The following TOX variants were observed in gnomAD, a reference collection of about 807,000 sequenced individuals.
TOX encodes thymocyte selection-associated high mobility group box protein TOX.
A neutral mutation model predicts 53.7 loss-of-function variants in TOX; 11 were observed. The ratio of observed to expected loss-of-function variants is 0.20; its 90% confidence interval spans 0.13 to 0.34. The LOEUF (loss-of-function observed/expected upper bound fraction) is 0.34. TOX is among the 10% of genes least tolerant of loss of function. The pLI is 1.00. For synonymous variants in TOX, 225 were observed against 245.3 expected (o/e 0.92, Z 0.77); for missense variants, 570 against 664.6 (o/e 0.86, Z 1.56).
At chr8:59,100,782 G>C (rs1804793009) in intron 1 of TOX, among the ~76,000 whole-genome samples, 1 of 151,868 alleles carries the variant, frequency 6.6e-6, no homozygotes, top group African/African-American at 2.4e-5. Flanking sequence ...CATAAAAATA[G>C]TATTGAGTAA....
At chr8:59,082,369 G>A (rs909256127) in intron 1 of TOX, among the ~76,000 whole-genome samples, 1 of 152,258 alleles carries the variant, frequency 6.6e-6, no homozygotes, top group African/African-American at 2.4e-5. Context: ...GAGGCCATGA[G>A]ATGGGTAGTT....
chr8:59,023,836 T>C (rs748572446), intron 1 of TOX, among the ~76,000 whole-genome samples: 1 of 152,170 alleles, frequency 6.6e-6, no homozygotes, highest in Non-Finnish European at 1.5e-5. Flanking sequence ...AGTCATCTGT[T>C]GGTCACAAAG....
chr8:59,002,626 A>C (rs7838084), intron 1 of TOX, among the ~76,000 whole-genome samples: 10,022 of 152,050 alleles, frequency 0.066, 425 homozygotes, highest in East Asian at 0.24. Context: ...AACAAACAAA[A>C]AAAATCAGGC....
At chr8:59,038,208 C>T (rs994443648) in intron 1 of TOX, among the ~76,000 whole-genome samples, 1 of 152,172 alleles carries the variant, frequency 6.6e-6, no homozygotes, top group Admixed American at 6.5e-5. Context: ...TCTGTCATAA[C>T]AGTTAACATA....
intron 3 of TOX, among the ~76,000 whole-genome samples, chr8:58,913,842 T>C (rs1001140387): frequency 6.6e-6 from 1 of 152,106 alleles, no homozygotes; most frequent in East Asian, 1.9e-4. Context: ...TTGGATTTAT[T>C]TACATTAAAA....
intron 1 of TOX, among the ~76,000 whole-genome samples, chr8:59,072,447 T>A (rs1243012529): frequency 6.6e-6 from 1 of 152,182 alleles, no homozygotes; most frequent in African/African-American, 2.4e-5. Flanking sequence ...GGGTTCCTGA[T>A]AAAGAATAAG....
At chr8:59,039,746 AAG>A (rs1803541712) in intron 1 of TOX, among the ~76,000 whole-genome samples, 1 of 152,236 alleles carries the variant, frequency 6.6e-6, no homozygotes, top group Non-Finnish European at 1.5e-5. Flanking sequence ...AAATTATTGA[AAG>A]AGGCTTGTTT....
chr8:59,095,841 T>G (rs1284436565), intron 1 of TOX, among the ~76,000 whole-genome samples: 5 of 152,236 alleles, frequency 3.3e-5, no homozygotes, highest in Admixed American at 6.5e-5. Context: ...CTCCAGTGGT[T>G]TCCGGAATTC....
intron 1 of TOX, among the ~76,000 whole-genome samples, chr8:59,088,671 T>C (rs891919525): frequency 2.0e-5 from 3 of 152,200 alleles, no homozygotes; most frequent in Non-Finnish European, 4.4e-5. Context: ...CTAAAAAAAT[T>C]GCATATGATG....
intron 3 of TOX, among the ~76,000 whole-genome samples, chr8:58,886,800 C>T (rs1811476241): frequency 6.6e-6 from 1 of 151,518 alleles, no homozygotes; most frequent in Non-Finnish European, 1.5e-5. Context: ...CCACAATTTA[C>T]CTTTTATATT....
In TOX at chr8:58,806,835, C is replaced by T. The variant is rs1236529658; in HGVS notation, c.*912G>A. On this transcript the variant is annotated 3_prime_UTR_variant, in exon 9 of 9. Transcript: ENST00000361421. Reference sequence around the variant, plus strand: ...TTTCATAAATAGGCGCAACAGGTTCCATAAAAAAAGATTAAATACAGACAC... The same window carrying T: ...TTTCATAAATAGGCGCAACAGGTTCTATAAAAAAAGATTAAATACAGACAC... The T allele has an allele frequency of 1.3e-5, 2 of 152,372 alleles. No homozygotes were observed. The highest frequency in any genetic ancestry group is 3.9e-4 in the East Asian group (2 of 5,170). The allele number at this position is 152,372 out of a possible 1,614,324, so 9.4% of individuals were successfully genotyped here.
intron 1 of TOX, among the ~76,000 whole-genome samples, chr8:59,055,226 C>T (rs1364303249): frequency 1.3e-5 from 2 of 152,078 alleles, no homozygotes; most frequent in Non-Finnish European, 2.9e-5. Context: ...GCAAACAGGC[C>T]CCAGGGGACA....
intron 1 of TOX, among the ~76,000 whole-genome samples, chr8:59,062,957 C>T (rs1804014224): frequency 6.6e-6 from 1 of 152,102 alleles, no homozygotes; most frequent in Admixed American, 6.6e-5. Context: ...GGAGGTAAAA[C>T]TGTAAGAATC....
chr8:58,830,044 G>T (rs898868927), intron 5 of TOX, among the ~76,000 whole-genome samples: 6 of 152,094 alleles, frequency 3.9e-5, no homozygotes, highest in African/African-American at 1.4e-4. Context: ...GAAAGAAATG[G>T]TCTCTCACTC....
At chr8:58,896,293 G>A (rs1295385405) in intron 3 of TOX, among the ~76,000 whole-genome samples, 3 of 152,076 alleles carry the variant, frequency 2.0e-5, no homozygotes, top group Non-Finnish European at 2.9e-5. Flanking sequence ...CATAAAAGGG[G>A]GATGGCTCTG....
chr8:58,889,238 A>C (rs1811522550), intron 3 of TOX, among the ~76,000 whole-genome samples: 1 of 150,928 alleles, frequency 6.6e-6, no homozygotes, highest in South Asian at 2.1e-4. Context: ...AAAAACAAAA[A>C]ACCCTGAAAA....
chr8:58,927,481 C>A (rs1812183619), intron 3 of TOX, among the ~76,000 whole-genome samples: 1 of 152,204 alleles, frequency 6.6e-6, no homozygotes, highest in African/African-American at 2.4e-5. Flanking sequence ...CATCCCTGTG[C>A]TCTGCATCTT....
intron 1 of TOX, among the ~76,000 whole-genome samples, chr8:59,089,896 C>T (rs1006345767): frequency 1.4e-4 from 22 of 152,302 alleles, no homozygotes; most frequent in African/African-American, 4.1e-4. Context: ...AACCAGAAGT[C>T]TGGGATGCTA....
At chr8:58,923,713 C>T (rs935536588) in intron 3 of TOX, among the ~76,000 whole-genome samples, 3 of 152,264 alleles carry the variant, frequency 2.0e-5, no homozygotes, top group Non-Finnish European at 4.4e-5. Context: ...AGGGCAGGAA[C>T]TATTTCCATA....
Sources: gnomAD v4.1 joint callset for allele counts (sites outside exome capture counted in the v4.1 genomes callset) on GRCh38, gnomAD v4.1.1 for gene constraint, MANE v1.5 for transcripts, NCBI Gene and HGNC (gene_info 2026-07-23, HGNC 2026-07-21) for gene names.